The following CCDC9B variants were observed in gnomAD, a reference collection of about 807,000 sequenced individuals.
CCDC9B encodes coiled-coil domain-containing protein 9B.
In CCDC9B, 40 loss-of-function variants were observed where a neutral mutation model predicts 47.2. The observed-to-expected ratio is 0.85, with a 90% confidence interval of 0.66 to 1.10. The LOEUF (loss-of-function observed/expected upper bound fraction) is 1.10, where lower values mean the gene tolerates loss of function less well. Among genes scored for constraint, CCDC9B ranks in the 50% least tolerant of loss-of-function variants. The pLI, the probability that CCDC9B is intolerant of heterozygous loss-of-function variation, is 0.00. For missense variants in CCDC9B, 662 were observed against 651.0 expected, an observed-to-expected ratio of 1.02 and a Z score of -0.18; for synonymous variants, 238 against 250.7, an observed-to-expected ratio of 0.95 and a Z score of 0.48.
chr15:40,337,285 C>T (rs776213536), intron 7 of CCDC9B, 103 bp downstream of exon 7: 3 of 1,129,414 alleles, frequency 2.7e-6, no homozygotes, highest in African/African-American at 1.5e-5. Flanking sequence ...CGCTTCCTTT[C>T]AGCTCTGAAA....
intron 7 of CCDC9B, 34 bp downstream of exon 7, chr15:40,337,354 A>G (rs1480575360): frequency 6.2e-7 from 1 of 1,601,330 alleles, no homozygotes; most frequent in Non-Finnish European, 8.6e-7. Flanking sequence ...GAACAAAGCC[A>G]AGGAGGGGAG....
rs760597957 is a variant in CCDC9B, at chr15:40,340,916, T to C, written c.-97A>G. 1 of 1,607,808 alleles carries C rather than the reference T, an allele frequency of 6.2e-7. No homozygotes were observed. Among genetic ancestry groups the C allele is most frequent in the South Asian group, 1.1e-5 (1 of 90,178 alleles). On this transcript the variant is annotated 5_prime_UTR_variant, in exon 1 of 11. Coordinates refer to ENST00000397536, the MANE Select transcript of CCDC9B (RefSeq NM_207380.3). ...CCGGAGCCGGGCCTCTGCCGGCCTC[T>C]CCCTGCCGGCTTCGCTGCTCAGCAC... is the stretch of plus-strand genomic sequence containing the variant.
Position 40,337,797 on chromosome 15 carries a change from C to T in CCDC9B, c.610G>A (p.Ala204Thr). The T allele has an allele frequency of 6.2e-7, 1 of 1,610,320 alleles. No homozygotes were observed. The highest frequency in any genetic ancestry group is 8.5e-7 in the Non-Finnish European group (1 of 1,179,832). The change falls in exon 6 of 11, where the codon GCC (alanine) becomes ACC (threonine). Residue 204 changes from alanine to threonine, a missense_variant. Coordinates refer to ENST00000397536, the MANE Select transcript of CCDC9B (RefSeq NM_207380.3). ...GCGTCTCTGTGCCGGGCGAGGCGGG[C>T]TAGGTCGATCTGCTCCCGCTCCTGC... Reference protein sequence around the residue: ...WKQEREQIDLARLARHRDAQG... With the variant: ...WKQEREQIDLTRLARHRDAQG...
intron 1 of CCDC9B, chr15:40,340,220 C>T (rs1409099396): frequency 3.4e-6 from 2 of 587,446 alleles, no homozygotes; most frequent in Non-Finnish European, 3.0e-6. Flanking sequence ...CCTGCCTCCT[C>T]AGGGGGCTCA....
In CCDC9B at chr15:40,337,852, C is replaced by CG; in HGVS notation, c.554dup (p.Glu186GlyfsTer30). ...ACTGGGCATAGTCCCAGCCCGCCTCCGGGGGCTCCCCCACCGGCCGGCTCC... is the reference window on the plus strand; with the variant it reads ...ACTGGGCATAGTCCCAGCCCGCCTCCGGGGGGCTCCCCCACCGGCCGGCTCC... On this transcript the variant is annotated frameshift_variant, in exon 6 of 11. Transcript: ENST00000397536. LOFTEE classifies it high-confidence loss of function. 5.0e-6 allele frequency: 8 copies of CG among 1,607,928 alleles called. No homozygotes were observed. The highest frequency in any genetic ancestry group is 6.8e-6 in the Non-Finnish European group (8 of 1,178,168).
chr15:40,338,519 C>T lies in CCDC9B; in HGVS notation c.513+16G>A. 1 of 1,611,526 alleles carries T rather than the reference C, an allele frequency of 6.2e-7. No homozygotes were observed. Among genetic ancestry groups the T allele is most frequent in the Non-Finnish European group, 8.5e-7 (1 of 1,178,230 alleles). ...GACCTTCAGATCCATGTCCCCATCC[C>T]CTCTTGAAGACACACCTTCCGTGCA... On this transcript the variant is annotated intron_variant, in intron 5 of 10. Transcript: ENST00000397536.
Position 40,338,133 on chromosome 15 carries a change from C to T in CCDC9B, c.514-240G>A, listed in dbSNP as rs375620459. On this transcript the variant is annotated intron_variant, in intron 5 of 10. Coordinates refer to ENST00000397536, the MANE Select transcript of CCDC9B (RefSeq NM_207380.3). Reference sequence around the variant, plus strand: ...AAAATGGGGAGGATCTCCGTAGCACCAACCCACAGGGGTGTTGCAGGGGTA... The same window carrying T: ...AAAATGGGGAGGATCTCCGTAGCACTAACCCACAGGGGTGTTGCAGGGGTA... The T allele has an allele frequency of 4.1e-6, 3 of 723,236 alleles. No individual in the cohort carries two copies. In the African/African-American group the frequency reaches 5.2e-5, roughly 13 times the overall value. 44.8% of individuals were successfully genotyped at this position (723,236 alleles called of 1,614,324 possible).
chr15:40,339,381 G>A (rs1889037383), intron 3 of CCDC9B, 131 bp downstream of exon 3: 3 of 902,690 alleles, frequency 3.3e-6, no homozygotes, highest in Non-Finnish European at 5.2e-6. Context: ...CCGACTGCAG[G>A]AGGTTGGGAG....
intron 6 of CCDC9B, 83 bp downstream of exon 6, chr15:40,337,641 G>A: frequency 1.4e-6 from 2 of 1,450,954 alleles, no homozygotes; most frequent in Admixed American, 2.2e-5. Flanking sequence ...CAACCCCGAG[G>A]AGGGTCCCTG....
At position 40,339,585 on chromosome 15, in the gene CCDC9B, C is replaced by T; in HGVS notation, c.158G>A (p.Gly53Glu). Residue 53 changes from glycine (G) to glutamate (E), a missense_variant, in exon 3 of 11, where the codon GGG (glycine) becomes GAG (glutamate). By Grantham distance (98) the Gly-to-Glu change is moderately conservative (BLOSUM62 -2). Transcript: ENST00000397536. ...IQEDRRQAEQ[G>E]GMAVTTPALL... Reference sequence around the variant, plus strand: ...TGCTGGTGTGGTCACAGCCATCCCCCCCTGCTCTGCCTGCCGACGGTCCTC... The same window carrying T: ...TGCTGGTGTGGTCACAGCCATCCCCTCCTGCTCTGCCTGCCGACGGTCCTC... 6.2e-7 allele frequency: 1 copy of T among 1,613,732 alleles called. No homozygotes were observed. The highest frequency in any genetic ancestry group is 1.3e-5 in the African/African-American group (1 of 74,984).
chr15:40,338,501 A>G (rs1889015749), intron 5 of CCDC9B, 34 bp downstream of exon 5: 2 of 1,604,388 alleles, frequency 1.2e-6, no homozygotes, highest in South Asian at 1.1e-5. Flanking sequence ...GAGGACCTTC[A>G]GATCCATGTC....
chr15:40,337,791 G>A lies in CCDC9B; in HGVS notation c.616C>T (p.Leu206Phe). ...QEREQIDLARLARHRDAQGDW... is the reference protein window; with the variant it reads ...QEREQIDLARFARHRDAQGDW... Reference sequence around the variant, plus strand: ...CCCTGTGCGTCTCTGTGCCGGGCGAGGCGGGCTAGGTCGATCTGCTCCCGC... The same window carrying A: ...CCCTGTGCGTCTCTGTGCCGGGCGAAGCGGGCTAGGTCGATCTGCTCCCGC... The change falls in exon 6 of 11, where the codon CTC (leucine) becomes TTC (phenylalanine). Residue 206 changes from leucine to phenylalanine, a missense_variant. Leu to Phe is a conservative substitution (Grantham distance 22). Transcript: ENST00000397536. 1 of 1,610,206 alleles carries A rather than the reference G, an allele frequency of 6.2e-7. No individual in the cohort carries two copies. Among genetic ancestry groups the A allele is most frequent in the Non-Finnish European group, 8.5e-7 (1 of 1,179,820 alleles).
Position 40,339,995 on chromosome 15 carries a change from G to C in CCDC9B, c.33C>G (p.Ser11=). The change falls in exon 2 of 11, where the codon TCC becomes TCG. Residue 11 remains serine (S), a synonymous_variant. Transcript: ENST00000397536. MHSAGTPRAE[S]PMSRQEKDAE... ...CGTCCTTCTCCTGCCTGCTCATGGG[G>C]GACTCGGCTCTGGGAGTTCCCTGCA... is the stretch of plus-strand genomic sequence containing the variant. 6.2e-7 allele frequency: 1 copy of C among 1,613,382 alleles called. No homozygotes were observed. Among genetic ancestry groups the C allele is most frequent in the South Asian group, 1.1e-5 (1 of 91,084 alleles).
intron 3 of CCDC9B, 116 bp from the exon 4 acceptor site, chr15:40,339,019 A>C: frequency 8.7e-7 from 1 of 1,153,464 alleles, no homozygotes; most frequent in Non-Finnish European, 1.3e-6. Flanking sequence ...TGCATTCCCC[A>C]CAGAAGAGCT....
chr15:40,337,562 G>T (rs1595713430), intron 6 of CCDC9B, 116 bp from the exon 7 acceptor site: 2 of 1,195,042 alleles, frequency 1.7e-6, no homozygotes, highest in Non-Finnish European at 1.2e-6. Context: ...GAGATGGTGG[G>T]CCCAAGAAAG....
chr15:40,337,156 G>T, intron 7 of CCDC9B: 1 of 657,424 alleles, frequency 1.5e-6, no homozygotes, highest in Non-Finnish European at 2.8e-6. Flanking sequence ...CTTCCACTGA[G>T]CCTCCTTCTG....
chr15:40,333,456 C>T lies in CCDC9B; in HGVS notation c.*1702G>A, dbSNP rs1462612780. 1 of 149,794 alleles carries T rather than the reference C, an allele frequency of 6.7e-6. No homozygotes were observed. The highest frequency in any genetic ancestry group is 2.0e-4 in the East Asian group (1 of 4,986). 9.3% of individuals were successfully genotyped at this position (149,794 alleles called of 1,614,324 possible). A position where few individuals can be genotyped will look rare whatever the true frequency, so the allele number is the denominator to read the frequency against. The stretch of plus-strand genomic sequence containing the variant: ...GGTGGCACACCTGTAGTCCCGGCTA[C>T]TCAAGAGGTTGATGTGAGAGGATCG... On this transcript the variant is annotated 3_prime_UTR_variant, in exon 11 of 11. Coordinates refer to ENST00000397536, the MANE Select transcript of CCDC9B (RefSeq NM_207380.3).
At position 40,335,104 on chromosome 15, in the gene CCDC9B, A is replaced by C. The variant is rs1279345065; in HGVS notation, c.*54T>G. On this transcript the variant is annotated 3_prime_UTR_variant, in exon 11 of 11. Transcript: ENST00000397536. The stretch of plus-strand genomic sequence containing the variant: ...GGCCATCACGCGGAGGGCCTTTAAC[A>C]GAGTGATTCCCTTTTCCTCTCCCCG... 1 of 1,451,050 alleles carries C rather than the reference A, an allele frequency of 6.9e-7. No individual in the cohort carries two copies. The highest frequency in any genetic ancestry group is 1.4e-5 in the African/African-American group (1 of 70,658). The allele number at this position is 1,451,050 out of a possible 1,614,324, so 89.9% of individuals were successfully genotyped here. A position where few individuals can be genotyped will look rare whatever the true frequency, so the allele number is the denominator to read the frequency against.
chr15:40,336,992 C>T (rs1476846869), intron 7 of CCDC9B, 179 bp from the exon 8 acceptor site: 4 of 615,524 alleles, frequency 6.5e-6, no homozygotes, highest in East Asian at 2.8e-5. Flanking sequence ...TTTGCCACTC[C>T]ATGGCTAGGT....
Sources: allele counts gnomAD v4.1 joint callset, GRCh38; gene constraint gnomAD v4.1.1; transcripts MANE v1.5; gene names NCBI Gene and HGNC (gene_info 2026-07-23, HGNC 2026-07-21).